The following PLEKHA6 variants were observed in gnomAD, a reference collection of about 807,000 sequenced individuals.
The protein encoded by PLEKHA6 is pleckstrin homology domain containing A6, also known as pleckstrin homology domain-containing family A member 6.
Under a neutral mutation model 116.7 loss-of-function variants are expected in PLEKHA6, and 60 were observed. The observed-to-expected ratio is 0.51, with a 90% CI of 0.42 to 0.64. The LOEUF is 0.64. Ranked by LOEUF, PLEKHA6 falls within the 30% of genes least tolerant of loss-of-function variation. PLEKHA6 has a pLI of 0.00. For synonymous variants in PLEKHA6, 489 were observed against 556.1 expected, an observed-to-expected ratio of 0.88 and a Z score of 1.70; for missense variants, 1,338 against 1,422.7, an observed-to-expected ratio of 0.94 and a Z score of 0.96.
At chr1:204,326,021 T>C (rs923342548) in intron 1 of PLEKHA6, 16 of 385,948 alleles carry the variant, frequency 4.1e-5, no homozygotes, top group Admixed American at 6.4e-5. Context: ...GTCTCCCTAA[T>C]GCATCCAGCA....
At chr1:204,264,898 G>A in intron 6 of PLEKHA6, 44 bp downstream of exon 6, 1 of 1,331,568 alleles carries the variant, frequency 7.5e-7, no homozygotes, top group Admixed American at 1.7e-5. Flanking sequence ...TAGAAGAGCA[G>A]GCCTTCCTTC....
chr1:204,346,450 T>TGAGCCATGACCACAGGGG (rs1673054696), intron 1 of PLEKHA6, among the ~76,000 whole-genome samples: 1 of 151,926 alleles, frequency 6.6e-6, no homozygotes, highest in South Asian at 2.1e-4. Context: ...CCACCACAAA[T>TGAGCCATGACCACAGGGG]GAGCCATGAC....
At chr1:204,341,614 A>G (rs1187442359) in intron 1 of PLEKHA6, among the ~76,000 whole-genome samples, 1 of 152,170 alleles carries the variant, frequency 6.6e-6, no homozygotes, top group East Asian at 1.9e-4. Flanking sequence ...TGTGGTCTAC[A>G]TTTTCATCCA....
intron 1 of PLEKHA6, among the ~76,000 whole-genome samples, chr1:204,372,067 T>C (rs1482782445): frequency 6.6e-6 from 1 of 152,170 alleles, no homozygotes; most frequent in African/African-American, 2.4e-5. Flanking sequence ...GCTTCTCGAA[T>C]GGATAAGAAA....
At chr1:204,272,323 A>G (rs1353463130) in intron 3 of PLEKHA6, among the ~76,000 whole-genome samples, 1 of 152,066 alleles carries the variant, frequency 6.6e-6, no homozygotes, top group African/African-American at 2.4e-5. Context: ...GTCTCCATAG[A>G]AACGTGACTT....
chr1:204,333,994 C>A (rs1403011782), intron 1 of PLEKHA6, among the ~76,000 whole-genome samples: 1 of 152,206 alleles, frequency 6.6e-6, no homozygotes, highest in Non-Finnish European at 1.5e-5. Flanking sequence ...GGAGGCCTAG[C>A]CTTGCACTAT....
At chr1:204,341,001 T>C (rs1204017278) in intron 1 of PLEKHA6, among the ~76,000 whole-genome samples, 1 of 152,128 alleles carries the variant, frequency 6.6e-6, no homozygotes, top group Non-Finnish European at 1.5e-5. Flanking sequence ...CTCCCAGGGA[T>C]GTGGGGAAGA....
chr1:204,259,088 G>A lies in PLEKHA6; in HGVS notation c.1007+170C>T, dbSNP rs1413496831. Among the ~76,000 whole-genome samples the A allele has an allele frequency of 3.9e-5, 6 of 152,244 alleles. No individual in the cohort carries two copies. The highest frequency in any genetic ancestry group is 1.2e-4 in the African/African-American group (5 of 41,466). On this transcript the variant is annotated intron_variant, in intron 8 of 22. Transcript: ENST00000272203. The surrounding 1 kb of genome is among the most constrained non-coding windows in gnomAD (Gnocchi z 4.6). The stretch of plus-strand genomic sequence containing the variant: ...AGCCAGACTCTAATGGTGGAGCCAT[G>A]GGGCAGGCAGGATTTGGGCAAGCCA...
chr1:204,346,614 T>C (rs1332390119), intron 1 of PLEKHA6, among the ~76,000 whole-genome samples: 2 of 152,152 alleles, frequency 1.3e-5, no homozygotes, highest in Non-Finnish European at 2.9e-5. Context: ...CATCCATAAA[T>C]TCTAATTCTG....
chr1:204,225,660 A>G (rs1291294944), intron 21 of PLEKHA6, among the ~76,000 whole-genome samples: 1 of 152,256 alleles, frequency 6.6e-6, no homozygotes, highest in East Asian at 1.9e-4. Flanking sequence ...AATGTATTGT[A>G]CACTCACATA....
chr1:204,219,093 C>T lies in PLEKHA6; in HGVS notation c.*3695G>A, dbSNP rs779480876. The T allele has an allele frequency of 1.3e-5, 2 of 152,512 alleles. No homozygotes were observed. Among genetic ancestry groups the T allele is most frequent in the Non-Finnish European group, 1.5e-5 (1 of 68,008 alleles). The allele number at this position is 152,512 out of a possible 1,614,324, so 9.4% of individuals were successfully genotyped here. A position where few individuals can be genotyped will look rare whatever the true frequency, so the allele number is the denominator to read the frequency against. On this transcript the variant is annotated 3_prime_UTR_variant, in exon 23 of 23. Transcript: ENST00000272203. ...CCTGACAGAGATTCCATCTATCTAA[C>T]CTTCACCCTTCTTCTAAGGCCACTT...
At chr1:204,272,516 T>C (rs1667572402) in intron 3 of PLEKHA6, among the ~76,000 whole-genome samples, 1 of 152,220 alleles carries the variant, frequency 6.6e-6, no homozygotes, top group African/African-American at 2.4e-5. Context: ...TTTTTTGAAG[T>C]ATTTCAAACA....
At chr1:204,296,814 A>G (rs141588789) in intron 1 of PLEKHA6, among the ~76,000 whole-genome samples, 2 of 152,322 alleles carry the variant, frequency 1.3e-5, no homozygotes, top group Non-Finnish European at 2.9e-5. Flanking sequence ...TACTCAGAGC[A>G]GAGAGTGGGG....
In PLEKHA6 at chr1:204,358,755, C is replaced by A. The variant is rs12123529; in HGVS notation, c.-95+939G>T. Among the ~76,000 whole-genome samples, 666 of 152,166 alleles carry A rather than the reference C, an allele frequency of 4.4e-3. 2 individuals carry two copies. The highest frequency in any genetic ancestry group is 8.4e-3 in the Non-Finnish European group (569 of 67,964). ...CCCTCCTGCAGCTCTCCCTCCCCAC[C>A]CCTGTGCCCCGGGGATGGCTCTCCC... On this transcript the variant is annotated intron_variant, in intron 1 of 22. Transcript: ENST00000272203.
intron 1 of PLEKHA6, chr1:204,299,584 C>T: frequency 1.7e-5 from 17 of 972,204 alleles, no homozygotes; most frequent in Non-Finnish European, 2.1e-5. Flanking sequence ...TCCCAGAGGA[C>T]AGCCATTATT....
chr1:204,254,393 A>G (rs779758705), intron 9 of PLEKHA6, among the ~76,000 whole-genome samples: 26 of 152,330 alleles, frequency 1.7e-4, no homozygotes, highest in African/African-American at 5.8e-4. Context: ...GATGGGTCAC[A>G]TGGCTTGTGA....
Position 204,256,655 on chromosome 1 carries a change from G to A in PLEKHA6, c.1524+698C>T, listed in dbSNP as rs957422470. ...CTGGGGCTAGAGTCCTGGCTGGGAGGGAGGAGGTATCCAGAGGCTGCTAAA... is the reference window on the plus strand; with the variant it reads ...CTGGGGCTAGAGTCCTGGCTGGGAGAGAGGAGGTATCCAGAGGCTGCTAAA... On this transcript the variant is annotated intron_variant, in intron 9 of 22. Transcript: ENST00000272203. 3.7e-4 allele frequency: 158 copies of A among 421,884 alleles called. 3 individuals are homozygous for A. The highest frequency in any genetic ancestry group is 5.5e-4 in the Admixed American group (13 of 23,478). The allele number at this position is 421,884 out of a possible 1,614,324, so 26.1% of individuals were successfully genotyped here.
At chr1:204,333,015 C>T (rs1236765473) in intron 1 of PLEKHA6, among the ~76,000 whole-genome samples, 4 of 152,174 alleles carry the variant, frequency 2.6e-5, no homozygotes, top group African/African-American at 9.7e-5. Flanking sequence ...GAGGAGGAGG[C>T]AGGTTTCTGT....
intron 17 of PLEKHA6, among the ~76,000 whole-genome samples, chr1:204,237,016 T>C (rs567410300): frequency 8.5e-5 from 13 of 152,302 alleles, no homozygotes; most frequent in South Asian, 2.1e-4. Flanking sequence ...TGACTGTGCA[T>C]TGGGGAAAGG....
Sources: gnomAD v4.1 joint callset for allele counts (sites outside exome capture counted in the v4.1 genomes callset) on GRCh38, gnomAD v4.1.1 for gene constraint, Gnocchi (gnomAD v3.1) non-coding constraint, MANE v1.5 for transcripts, NCBI Gene and HGNC (gene_info 2026-07-23, HGNC 2026-07-21) for gene names.